ACOT13: variants seen among roughly 807,000 people sequenced by gnomAD.
The protein encoded by ACOT13 is acyl-CoA thioesterase 13.
Under a neutral mutation model 11.8 loss-of-function variants are expected in ACOT13, and 10 were observed. The observed-to-expected ratio is 0.85, with a 90% confidence interval of 0.53 to 1.44. ACOT13 has a LOEUF of 1.44. Among genes scored for constraint, ACOT13 ranks in the 40% most tolerant of loss-of-function variants. The pLI is 0.00. For missense variants in ACOT13, 172 were observed against 174.1 expected (o/e 0.99, Z 0.07); for synonymous variants, 53 against 61.0 (o/e 0.87, Z 0.61).
intron 1 of ACOT13, among the ~76,000 whole-genome samples, chr6:24,668,009 A>G (rs528966024): frequency 2.0e-5 from 3 of 152,086 alleles, no homozygotes; most frequent in African/African-American, 7.2e-5. Flanking sequence ...GGTTCAAACA[A>G]TTCTCCTGCC....
At chr6:24,693,029 C>T (rs1046924055) in intron 1 of ACOT13, among the ~76,000 whole-genome samples, 7 of 152,348 alleles carry the variant, frequency 4.6e-5, no homozygotes, top group Middle Eastern at 3.4e-3. Context: ...CATCACACTG[C>T]CACATCCTGT....
At chr6:24,690,126 C>T (rs897581506) in intron 1 of ACOT13, among the ~76,000 whole-genome samples, 7 of 152,086 alleles carry the variant, frequency 4.6e-5, no homozygotes, top group Non-Finnish European at 8.8e-5. Flanking sequence ...CTTCTTTGTG[C>T]CTGTTTTGTT....
At chr6:24,677,995 G>A (rs966208695) in intron 1 of ACOT13, among the ~76,000 whole-genome samples, 5 of 152,148 alleles carry the variant, frequency 3.3e-5, no homozygotes, top group Non-Finnish European at 7.3e-5. Context: ...AGAGTGCTTG[G>A]GTGGCTTGAT....
intron 1 of ACOT13, among the ~76,000 whole-genome samples, chr6:24,683,539 A>T (rs376748253): frequency 1.3e-5 from 2 of 149,568 alleles, no homozygotes; most frequent in Non-Finnish European, 3.0e-5. Flanking sequence ...TGTCTCTCTC[A>T]AAAAAAAAAT....
At chr6:24,667,948 A>G (rs888029176) in intron 1 of ACOT13, among the ~76,000 whole-genome samples, 3 of 152,162 alleles carry the variant, frequency 2.0e-5, no homozygotes, top group African/African-American at 7.2e-5. Context: ...CTTGTTGCCT[A>G]GGCTGGAGTG....
At chr6:24,679,342 T>C (rs2127623227) in intron 1 of ACOT13, among the ~76,000 whole-genome samples, 1 of 152,262 alleles carries the variant, frequency 6.6e-6, no homozygotes, top group East Asian at 1.9e-4. Context: ...AGGCGGACTT[T>C]TGAAGTTTTT....
intron 1 of ACOT13, among the ~76,000 whole-genome samples, chr6:24,690,530 GT>G (rs1242082456): frequency 6.6e-6 from 1 of 152,184 alleles, no homozygotes; most frequent in Admixed American, 6.5e-5. Flanking sequence ...GAAAAATATA[GT>G]GATTTCTTTT....
intron 1 of ACOT13, among the ~76,000 whole-genome samples, chr6:24,674,086 G>A (rs893813074): frequency 1.3e-5 from 2 of 152,012 alleles, no homozygotes; most frequent in African/African-American, 4.8e-5. Context: ...ATCTGAGACA[G>A]AGTCTTGCTC....
chr6:24,685,522 A>C (rs1316399912), intron 1 of ACOT13, among the ~76,000 whole-genome samples: 1 of 151,276 alleles, frequency 6.6e-6, no homozygotes, highest in Non-Finnish European at 1.5e-5. Flanking sequence ...AATTTTTTGT[A>C]TTTTTAGTAG....
At chr6:24,668,150 C>T (rs925316969) in intron 1 of ACOT13, among the ~76,000 whole-genome samples, 1 of 151,818 alleles carries the variant, frequency 6.6e-6, no homozygotes, top group Non-Finnish European at 1.5e-5. Context: ...TCAGGTGAAA[C>T]GCCTGCCTCC....
At chr6:24,682,899 T>G (rs536717547) in intron 1 of ACOT13, among the ~76,000 whole-genome samples, 24 of 152,344 alleles carry the variant, frequency 1.6e-4, no homozygotes, top group African/African-American at 5.8e-4. Context: ...TCCTTGTCCC[T>G]CCCACTGTGC....
At position 24,698,082 on chromosome 6, in the gene ACOT13, T is replaced by C; in HGVS notation, c.266+15T>C. The C allele has an allele frequency of 1.3e-6, 2 of 1,568,342 alleles. No individual in the cohort carries two copies. The highest frequency in any genetic ancestry group is 1.7e-6 in the Non-Finnish European group (2 of 1,156,618). ...ATGAACATAACGTATGTATCCAAACTGTATTCCAAATCCCTTCTGTGTGAT... is the reference window on the plus strand; with the variant it reads ...ATGAACATAACGTATGTATCCAAACCGTATTCCAAATCCCTTCTGTGTGAT... On this transcript the variant is annotated intron_variant, in intron 2 of 2. Coordinates refer to ENST00000230048, the MANE Select transcript of ACOT13 (RefSeq NM_018473.4).
At chr6:24,684,804 G>A (rs1778604399) in intron 1 of ACOT13, among the ~76,000 whole-genome samples, 1 of 152,116 alleles carries the variant, frequency 6.6e-6, no homozygotes, top group Non-Finnish European at 1.5e-5. Flanking sequence ...CTTGAGGCTA[G>A]GAGTTTGAGA....
At chr6:24,671,543 A>G (rs1235691583) in intron 1 of ACOT13, among the ~76,000 whole-genome samples, 1 of 152,218 alleles carries the variant, frequency 6.6e-6, no homozygotes, top group Non-Finnish European at 1.5e-5. Context: ...GCAAACCAAC[A>G]TGGCACATGT....
intron 1 of ACOT13, among the ~76,000 whole-genome samples, chr6:24,693,472 A>T (rs949171131): frequency 6.6e-6 from 1 of 152,180 alleles, no homozygotes; most frequent in Admixed American, 6.5e-5. Context: ...GCAGAATGCA[A>T]CCCTTTTAAA....
At chr6:24,700,349 C>T (rs1367604391) in intron 2 of ACOT13, among the ~76,000 whole-genome samples, 1 of 149,368 alleles carries the variant, frequency 6.7e-6, no homozygotes, top group Non-Finnish European at 1.5e-5. Flanking sequence ...TACTACTAAA[C>T]ATACTATTTT....
At position 24,679,829 on chromosome 6, in the gene ACOT13, T is replaced by C. The variant is rs115205341; in HGVS notation, c.81+12485T>C. Among the ~76,000 whole-genome samples the C allele has an allele frequency of 8.1e-3, 1,228 of 152,334 alleles. 13 individuals carry two copies. Among genetic ancestry groups the C allele is most frequent in the African/African-American group, 0.028 (1,151 of 41,560 alleles). Reference sequence around the variant, plus strand: ...GATCAAAAGATTGTCCTAACCCTTATAAAACTTCAGTATAGCCATCAGGGT... The same window carrying C: ...GATCAAAAGATTGTCCTAACCCTTACAAAACTTCAGTATAGCCATCAGGGT... On this transcript the variant is annotated intron_variant, in intron 1 of 2. Coordinates refer to ENST00000230048, the MANE Select transcript of ACOT13 (RefSeq NM_018473.4).
At chr6:24,688,476 G>A (rs1375728433) in intron 1 of ACOT13, among the ~76,000 whole-genome samples, 2 of 150,570 alleles carry the variant, frequency 1.3e-5, no homozygotes, top group Admixed American at 6.7e-5. Context: ...GGAGGTCGAG[G>A]CTGCAGTGAG....
chr6:24,673,230 A>G (rs562313487), intron 1 of ACOT13, among the ~76,000 whole-genome samples: 13 of 152,324 alleles, frequency 8.5e-5, no homozygotes, highest in African/African-American at 2.4e-4. Context: ...TGCACAGAAC[A>G]TGATGTTGGA....
Sources: allele counts gnomAD v4.1 joint callset (sites outside exome capture counted in the v4.1 genomes callset), GRCh38; gene constraint gnomAD v4.1.1; transcripts MANE v1.5; gene names NCBI Gene and HGNC (gene_info 2026-07-23, HGNC 2026-07-21).